Variants in ACTR3C observed in about 807,000 individuals in gnomAD.
ACTR3C encodes actin-related protein 3C.
A neutral mutation model predicts 26.3 loss-of-function variants in ACTR3C; 18 were observed. The observed-to-expected ratio is 0.68, with a 90% CI of 0.47 to 1.01. The LOEUF is 1.01. Among genes scored for constraint, ACTR3C ranks in the 50% least tolerant of loss-of-function variants. ACTR3C has a pLI of 0.00. For synonymous variants in ACTR3C, 55 were observed against 94.5 expected, an observed-to-expected ratio of 0.58 and a Z score of 2.42; for missense variants, 184 against 250.7, an observed-to-expected ratio of 0.73 and a Z score of 1.80.
At chr7:149,969,330 T>A in the ACTR3C span, among the ~76,000 whole-genome samples, 61 of 107,484 alleles carry the variant, frequency 5.7e-4, no homozygotes, top group East Asian at 1.7e-3. Flanking sequence ...TGTGTGTGTG[T>A]GATGCTGCCC....
At chr7:149,911,188 A>C in the ACTR3C span, among the ~76,000 whole-genome samples, 2 of 151,982 alleles carry the variant, frequency 1.3e-5, no homozygotes, top group Non-Finnish European at 2.9e-5. Flanking sequence ...TATTTCTGGA[A>C]TTATATTCCA....
At chr7:150,123,333 A>G in the ACTR3C span, among the ~76,000 whole-genome samples, 3 of 152,170 alleles carry the variant, frequency 2.0e-5, no homozygotes, top group Non-Finnish European at 4.4e-5. Flanking sequence ...CTGGTGACCT[A>G]GAGACAGATG....
At chr7:149,903,691 G>A in the ACTR3C span, among the ~76,000 whole-genome samples, 7 of 150,854 alleles carry the variant, frequency 4.6e-5, no homozygotes, top group African/African-American at 1.7e-4. Context: ...ACAGGTGAGT[G>A]TCACTACACG....
the ACTR3C span, among the ~76,000 whole-genome samples, chr7:150,135,271 C>CAAAAAAT: frequency 6.6e-6 from 1 of 151,892 alleles, no homozygotes; most frequent in Non-Finnish European, 1.5e-5. Context: ...GACTCCGTCT[C>CAAAAAAT]AAAAAATAAA....
chr7:149,919,480 TCCAC>T, the ACTR3C span, among the ~76,000 whole-genome samples: 2 of 152,184 alleles, frequency 1.3e-5, no homozygotes, highest in African/African-American at 2.4e-5. Context: ...CCTCAAGTGA[TCCAC>T]CCACCTCGGC....
the ACTR3C span, among the ~76,000 whole-genome samples, chr7:150,027,302 G>A: frequency 6.6e-6 from 1 of 151,808 alleles, no homozygotes; most frequent in African/African-American, 2.4e-5. Context: ...ACGGAGTCTC[G>A]CTCTATTGCC....
At chr7:149,926,575 CAT>C in the ACTR3C span, among the ~76,000 whole-genome samples, 1 of 152,172 alleles carries the variant, frequency 6.6e-6, no homozygotes, top group African/African-American at 2.4e-5. Context: ...GCATTGCACA[CAT>C]GTTGTCACAG....
the ACTR3C span, among the ~76,000 whole-genome samples, chr7:150,027,417 CCCA>C: frequency 6.8e-6 from 1 of 147,128 alleles, no homozygotes; most frequent in Admixed American, 6.7e-5. Flanking sequence ...ACTACAGGCG[CCCA>C]CCATCACACC....
chr7:149,906,517 C>T, the ACTR3C span, among the ~76,000 whole-genome samples: 1 of 140,812 alleles, frequency 7.1e-6, no homozygotes, highest in Non-Finnish European at 1.5e-5. Context: ...CTGCAACCTC[C>T]ACCTCCCGGA....
At chr7:150,191,722 A>C in the ACTR3C span, among the ~76,000 whole-genome samples, 4 of 152,188 alleles carry the variant, frequency 2.6e-5, no homozygotes, top group African/African-American at 9.6e-5. Flanking sequence ...CTTCTCTACC[A>C]ACCTGTGGTA....
At chr7:150,196,631 G>C in the ACTR3C span, among the ~76,000 whole-genome samples, 2 of 152,264 alleles carry the variant, frequency 1.3e-5, no homozygotes, top group South Asian at 2.1e-4. Context: ...GTTGATAGCT[G>C]AACATCTCCT....
chr7:149,954,851 A>G, the ACTR3C span, among the ~76,000 whole-genome samples: 1 of 152,380 alleles, frequency 6.6e-6, no homozygotes, highest in Non-Finnish European at 1.5e-5. Context: ...AATTAATTGC[A>G]TAAACTTTAG....
At chr7:150,288,896 G>C (rs1168650786) in intron 4 of ACTR3C, among the ~76,000 whole-genome samples, 1 of 151,534 alleles carries the variant, frequency 6.6e-6, no homozygotes, top group African/African-American at 2.4e-5. Context: ...CTTTCCTTCA[G>C]CCAGCCTCAG....
At chr7:149,908,647 T>G in the ACTR3C span, among the ~76,000 whole-genome samples, 2 of 152,180 alleles carry the variant, frequency 1.3e-5, no homozygotes, top group African/African-American at 4.8e-5. Context: ...AACTTACAAT[T>G]TCTAAAATCA....
the ACTR3C span, among the ~76,000 whole-genome samples, chr7:150,135,999 CATG>C: frequency 6.6e-6 from 1 of 152,102 alleles, no homozygotes; most frequent in African/African-American, 2.4e-5. Flanking sequence ...GAAACCCTGT[CATG>C]ATGAAGAAAT....
chr7:150,231,627 A>G, the ACTR3C span, among the ~76,000 whole-genome samples: 1 of 151,102 alleles, frequency 6.6e-6, no homozygotes, highest in East Asian at 1.9e-4. Context: ...GTATTCTTTT[A>G]TAGCTACACT....
At chr7:150,241,927 C>G (rs1307752010), downstream of ACTR3C, among the ~76,000 whole-genome samples, 1 of 152,014 alleles carries the variant, frequency 6.6e-6, no homozygotes, top group Non-Finnish European at 1.5e-5. Flanking sequence ...TATTAAGATA[C>G]CACTTTGTGG....
At chr7:149,949,881 C>CT in the ACTR3C span, among the ~76,000 whole-genome samples, 1 of 147,206 alleles carries the variant, frequency 6.8e-6, no homozygotes, top group Non-Finnish European at 1.5e-5. Flanking sequence ...ACTTGAATCA[C>CT]CCCAGCTAGG....
chr7:150,007,344 C>T, the ACTR3C span, among the ~76,000 whole-genome samples: 2 of 152,196 alleles, frequency 1.3e-5, no homozygotes, highest in Admixed American at 1.3e-4. Flanking sequence ...ACAAAATAGT[C>T]TGGTCTCACT....
Sources: allele counts gnomAD v4.1 joint callset (sites outside exome capture counted in the v4.1 genomes callset), GRCh38; gene constraint gnomAD v4.1.1; transcripts MANE v1.5; gene names NCBI Gene and HGNC (gene_info 2026-07-23, HGNC 2026-07-21).